RNF13: variants seen among roughly 807,000 people sequenced by gnomAD.
The protein encoded by RNF13 is E3 ubiquitin-protein ligase RNF13.
In RNF13, 19 loss-of-function variants were observed where a neutral mutation model predicts 37.7. The observed-to-expected ratio is 0.50, with a 90% CI of 0.35 to 0.74. The LOEUF (loss-of-function observed/expected upper bound fraction) is 0.74. Ranked by LOEUF, RNF13 falls within the 30% of genes least tolerant of loss-of-function variation. The probability of loss-of-function intolerance (pLI) is 0.01; values close to 1 mark genes in which losing one functional copy is unlikely to be tolerated. For missense variants in RNF13, 375 were observed against 453.0 expected, an observed-to-expected ratio of 0.83 and a Z score of 1.56; for synonymous variants, 144 against 157.8, an observed-to-expected ratio of 0.91 and a Z score of 0.65.
At chr3:149,864,057 TGTA>T (rs1724551091) in intron 3 of RNF13, among the ~76,000 whole-genome samples, 1 of 142,870 alleles carries the variant, frequency 7.0e-6, no homozygotes, top group Non-Finnish European at 1.5e-5. Flanking sequence ...ATGATGTGGT[TGTA>T]GTATTAGTAT....
At position 149,825,034 on chromosome 3, in the gene RNF13, A is replaced by C. The variant is rs1720360156; in HGVS notation, c.-17+11681A>C. ...TGGAGTGCACTGGCGATCATAGCTC[A>C]CTGCAGCCTCAAATCCTGGGCTCAA... On this transcript the variant is annotated intron_variant, in intron 1 of 9. Coordinates refer to ENST00000392894, the MANE Select transcript of RNF13 (RefSeq NM_183381.3). Among the ~76,000 whole-genome samples, 3 of 149,314 alleles carry C rather than the reference A, an allele frequency of 2.0e-5. No individual in the cohort carries two copies. The South Asian group carries it at 6.4e-4, about 32-fold the overall frequency.
rs573413809 is a variant in RNF13 at position 149,896,636 on chromosome 3, C to T, written c.409+1076C>T. On this transcript the variant is annotated intron_variant, in intron 5 of 9. Transcript: ENST00000392894. ...CTGGGATGACAGGCACCTGCCACCA[C>T]GCCTGGCTAATTTTGTATTTTAAGT... Among the ~76,000 whole-genome samples the T allele has an allele frequency of 1.2e-4, 18 of 151,982 alleles. No homozygotes were observed. In the East Asian group the frequency reaches 2.5e-3, roughly 21 times the overall value.
chr3:149,818,757 A>G (rs1719722300), intron 1 of RNF13, among the ~76,000 whole-genome samples: 2 of 152,108 alleles, frequency 1.3e-5, no homozygotes, highest in Non-Finnish European at 2.9e-5. Context: ...ACTAAAATAC[A>G]GAAATTAGCC....
chr3:149,920,960 A>T (rs1271484489), intron 7 of RNF13, among the ~76,000 whole-genome samples, 174 bp from the exon 8 acceptor site: 4 of 152,152 alleles, frequency 2.6e-5, no homozygotes, highest in Admixed American at 2.6e-4. Context: ...GGGTTAACTA[A>T]TCACTAATGT....
chr3:149,861,334 GT>G (rs1241242786), intron 3 of RNF13, among the ~76,000 whole-genome samples: 1 of 152,036 alleles, frequency 6.6e-6, no homozygotes, highest in African/African-American at 2.4e-5. Flanking sequence ...GCACTTGCAT[GT>G]TTATTATGTC....
intron 2 of RNF13, among the ~76,000 whole-genome samples, chr3:149,848,531 A>G (rs1722852562): frequency 6.6e-6 from 1 of 152,250 alleles, no homozygotes; most frequent in Non-Finnish European, 1.5e-5. Flanking sequence ...TAATGCAATA[A>G]GAGCATCCCT....
intron 4 of RNF13, among the ~76,000 whole-genome samples, chr3:149,883,170 C>G (rs1047466847): frequency 4.6e-5 from 7 of 152,034 alleles, no homozygotes; most frequent in Non-Finnish European, 8.8e-5. Flanking sequence ...TTAACCATTT[C>G]AGGATCCAAT....
chr3:149,845,627 T>C (rs1027196383), intron 1 of RNF13, among the ~76,000 whole-genome samples: 1 of 152,206 alleles, frequency 6.6e-6, no homozygotes, highest in Non-Finnish European at 1.5e-5. Context: ...TTTTTTAAGT[T>C]GTAGAAAATT....
intron 4 of RNF13, among the ~76,000 whole-genome samples, chr3:149,882,061 C>T (rs1308516739): frequency 6.6e-6 from 1 of 151,346 alleles, no homozygotes; most frequent in Non-Finnish European, 1.5e-5. Flanking sequence ...TCCAGAATAA[C>T]TATTAGTAGA....
intron 7 of RNF13, among the ~76,000 whole-genome samples, chr3:149,919,354 T>G (rs573345780): frequency 6.6e-6 from 1 of 152,310 alleles, no homozygotes; most frequent in South Asian, 2.1e-4. Context: ...CTAAAAAGTT[T>G]GGCAATGCCT....
intron 6 of RNF13, among the ~76,000 whole-genome samples, chr3:149,906,294 A>G (rs1384563143): frequency 6.6e-6 from 1 of 151,364 alleles, no homozygotes; most frequent in African/African-American, 2.4e-5. Flanking sequence ...TTTTTTTTTC[A>G]CTATTTGTGT....
intron 7 of RNF13, among the ~76,000 whole-genome samples, chr3:149,916,436 G>C (rs1717515573): frequency 6.6e-6 from 1 of 152,054 alleles, no homozygotes. Context: ...TATTTATTCT[G>C]TACCTATGGT....
At position 149,867,659 on chromosome 3, in the gene RNF13, T is replaced by A. The variant is rs78244728; in HGVS notation, c.196-4370T>A. ...GAATTTCATTTTTCACTCTTCACTT[T>A]TGGACTATGTGTATCTTTATAGGTG... On this transcript the variant is annotated intron_variant, in intron 3 of 9. Transcript: ENST00000392894. Among the ~76,000 whole-genome samples, 687 of 151,980 alleles carry A rather than the reference T, an allele frequency of 4.5e-3. 29 individuals are homozygous for A. Among genetic ancestry groups the A allele is most frequent in the Non-Finnish European group, 7.6e-3 (516 of 67,872 alleles).
chr3:149,900,661 T>G (rs1174559914), intron 5 of RNF13, among the ~76,000 whole-genome samples: 1 of 152,172 alleles, frequency 6.6e-6, no homozygotes, highest in Non-Finnish European at 1.5e-5. Context: ...AGCTGTATCA[T>G]TGTGTAGAAA....
intron 8 of RNF13, among the ~76,000 whole-genome samples, chr3:149,951,239 G>A (rs1278183226): frequency 6.6e-6 from 1 of 152,124 alleles, no homozygotes; most frequent in African/African-American, 2.4e-5. Flanking sequence ...GCTAAGTTGT[G>A]ACTCTTTGTA....
At position 149,894,299 on chromosome 3, in the gene RNF13, A is replaced by G. The variant is rs188060260; in HGVS notation, c.322-1174A>G. 2.1e-3 allele frequency among the ~76,000 whole-genome samples: 315 copies of G among 152,316 alleles called. 1 individual carries two copies. The highest frequency in any genetic ancestry group is 7.3e-3 in the African/African-American group (303 of 41,584). ...GATAATTTTTCTCTGTGCCAAGTCA[A>G]CTGACCTGACTGGGATTGAATATGT... On this transcript the variant is annotated intron_variant, in intron 4 of 9. Coordinates refer to ENST00000392894, the MANE Select transcript of RNF13 (RefSeq NM_183381.3).
At chr3:149,907,500 G>A (rs920703047) in intron 6 of RNF13, among the ~76,000 whole-genome samples, 5 of 152,144 alleles carry the variant, frequency 3.3e-5, no homozygotes, top group African/African-American at 1.2e-4. Context: ...CCATTGTTTA[G>A]ATATATCCTA....
intron 8 of RNF13, among the ~76,000 whole-genome samples, chr3:149,951,732 G>T (rs1016847047): frequency 2.6e-5 from 4 of 152,190 alleles, no homozygotes; most frequent in African/African-American, 9.7e-5. Context: ...CTATTATGTA[G>T]TATGAAAGCA....
chr3:149,867,180 C>G (rs1360695686), intron 3 of RNF13, among the ~76,000 whole-genome samples: 2 of 152,060 alleles, frequency 1.3e-5, no homozygotes, highest in Non-Finnish European at 2.9e-5. Flanking sequence ...CTTGGCTGCC[C>G]CATATTGGGT....
Sources: allele counts gnomAD v4.1 joint callset (sites outside exome capture counted in the v4.1 genomes callset), GRCh38; gene constraint gnomAD v4.1.1; transcripts MANE v1.5; gene names NCBI Gene and HGNC (gene_info 2026-07-23, HGNC 2026-07-21).